The following HACE1 variants were observed in gnomAD, a reference collection of about 807,000 sequenced individuals.
HACE1 encodes the protein HECT domain and ankyrin repeat containing E3 ubiquitin protein ligase 1, also known as E3 ubiquitin-protein ligase HACE1.
In HACE1, 73 loss-of-function variants were observed where a neutral mutation model predicts 118.4. That is an observed-to-expected ratio of 0.62 (90% confidence interval 0.51 to 0.75). HACE1 has a LOEUF of 0.75. HACE1 is among the 30% of genes least tolerant of loss of function. The pLI is 0.00. For synonymous variants in HACE1, 368 were observed against 374.8 expected (o/e 0.98, Z 0.21); for missense variants, 749 against 1,102.2 (o/e 0.68, Z 4.54).
At chr6:104,789,847 G>A (rs1782827747) in intron 11 of HACE1, among the ~76,000 whole-genome samples, 2 of 152,010 alleles carry the variant, frequency 1.3e-5, no homozygotes, top group African/African-American at 2.4e-5. Flanking sequence ...AGTGAGCCAC[G>A]CCAGAACACA....
At position 104,791,536 on chromosome 6, in the gene HACE1, C is replaced by G. The variant is rs746716752; in HGVS notation, c.1042G>C (p.Gly348Arg). The part of the protein sequence containing the change: ...PSNGIDMGYN[G>R]NKTPRSQVFK... ...ACCTGGCTTCTTGGAGTTTTATTCCCATTGTAGCCCATATCAATTCCATTA... is the reference window on the plus strand; with the variant it reads ...ACCTGGCTTCTTGGAGTTTTATTCCGATTGTAGCCCATATCAATTCCATTA... The change falls in exon 11 of 24, where the codon GGG (glycine) becomes CGG (arginine). Residue 348 changes from glycine to arginine, a missense_variant. Gly to Arg is a moderately radical substitution (Grantham distance 125). Transcript: ENST00000262903. 1 of 1,613,248 alleles carries G rather than the reference C, an allele frequency of 6.2e-7. No individual in the cohort carries two copies.
At chr6:104,801,199 C>A (rs1266049730) in intron 7 of HACE1, among the ~76,000 whole-genome samples, 3 of 152,092 alleles carry the variant, frequency 2.0e-5, no homozygotes, top group Admixed American at 2.0e-4. Flanking sequence ...ACAAAGCCTC[C>A]AAGAAATATG....
At chr6:104,834,110 C>A (rs1470970020) in intron 5 of HACE1, among the ~76,000 whole-genome samples, 1 of 151,852 alleles carries the variant, frequency 6.6e-6, no homozygotes, top group Non-Finnish European at 1.5e-5. Flanking sequence ...TGACACTGCA[C>A]TCCTCCTACC....
At chr6:104,851,075 G>C in intron 2 of HACE1, 79 bp from the exon 3 acceptor site, 2 of 825,168 alleles carry the variant, frequency 2.4e-6, no homozygotes, top group Non-Finnish European at 4.3e-6. Context: ...CAACTCTTTA[G>C]CTGCTCTGTT....
chr6:104,790,128 G>T (rs1782868685), intron 11 of HACE1, among the ~76,000 whole-genome samples: 1 of 150,892 alleles, frequency 6.6e-6, no homozygotes, highest in South Asian at 2.1e-4. Flanking sequence ...ATACATATAT[G>T]GCTAAAAACT....
chr6:104,773,874 A>G (rs1393891680), intron 17 of HACE1, among the ~76,000 whole-genome samples: 2 of 151,810 alleles, frequency 1.3e-5, no homozygotes, highest in African/African-American at 4.8e-5. Context: ...GATAAATTTT[A>G]AGTTCAAAAA....
chr6:104,743,232 C>T (rs1358643347), intron 22 of HACE1, among the ~76,000 whole-genome samples: 1 of 150,952 alleles, frequency 6.6e-6, no homozygotes, highest in Non-Finnish European at 1.5e-5. Flanking sequence ...TTAGTGGGTG[C>T]AGCGCACCAG....
intron 22 of HACE1, chr6:104,730,818 T>G (rs1775122325): frequency 5.1e-6 from 1 of 194,594 alleles, no homozygotes; most frequent in African/African-American, 2.3e-5. Context: ...ATTAAATGTT[T>G]GTTGAATAGA....
intron 6 of HACE1, among the ~76,000 whole-genome samples, chr6:104,822,183 C>T (rs1308221334): frequency 1.4e-4 from 18 of 130,660 alleles, no homozygotes; most frequent in Non-Finnish European, 2.0e-4. Context: ...GAGATCAACA[C>T]GGTGAAACCC....
chr6:104,832,386 T>C lies in HACE1; in HGVS notation c.534+656A>G, dbSNP rs892666190. On this transcript the variant is annotated intron_variant, in intron 6 of 23. Coordinates refer to ENST00000262903, the MANE Select transcript of HACE1 (RefSeq NM_020771.4). ...AAAGCACTATTTTCCTGTTTTTTGTTGTTGTTGTTGTTGTTGTTGTTGTTT... is the reference window on the plus strand; with the variant it reads ...AAAGCACTATTTTCCTGTTTTTTGTCGTTGTTGTTGTTGTTGTTGTTGTTT... 2.5e-4 allele frequency among the ~76,000 whole-genome samples: 36 copies of C among 145,702 alleles called. 1 individual carries two copies. The South Asian group carries it at 8.0e-3, about 32-fold the overall frequency.
intron 19 of HACE1, among the ~76,000 whole-genome samples, chr6:104,759,172 T>C (rs2114629629): frequency 6.6e-6 from 1 of 152,316 alleles, no homozygotes; most frequent in Non-Finnish European, 1.5e-5. Context: ...TATCCAGGAC[T>C]TGAACTCAGC....
At chr6:104,820,025 T>C (rs1225078496) in intron 6 of HACE1, among the ~76,000 whole-genome samples, 1 of 151,582 alleles carries the variant, frequency 6.6e-6, no homozygotes, top group Non-Finnish European at 1.5e-5. Flanking sequence ...CAAAACCCCA[T>C]CTCTACTAAA....
chr6:104,857,460 A>C (rs553948212), intron 1 of HACE1, among the ~76,000 whole-genome samples: 9 of 151,732 alleles, frequency 5.9e-5, no homozygotes, highest in Admixed American at 5.9e-4. Context: ...TGAGAAACTG[A>C]TATGTTGAGC....
chr6:104,793,999 C>T (rs1264774743), intron 10 of HACE1, among the ~76,000 whole-genome samples: 1 of 152,100 alleles, frequency 6.6e-6, no homozygotes. Flanking sequence ...CTTTTTCCTA[C>T]CCTGTTTCTC....
intron 6 of HACE1, among the ~76,000 whole-genome samples, chr6:104,816,026 T>A (rs1772077280): frequency 6.7e-6 from 1 of 149,556 alleles, no homozygotes; most frequent in African/African-American, 2.5e-5. Flanking sequence ...TGAGCCGAGA[T>A]CACTGCATTG....
chr6:104,839,748 G>A (rs146832393), intron 5 of HACE1, among the ~76,000 whole-genome samples: 2 of 152,306 alleles, frequency 1.3e-5, no homozygotes, highest in East Asian at 1.9e-4. Flanking sequence ...GCTCACACCT[G>A]TAATCCCAGC....
intron 1 of HACE1, among the ~76,000 whole-genome samples, chr6:104,857,178 CAT>C (rs997270787): frequency 3.6e-4 from 52 of 146,162 alleles, no homozygotes; most frequent in African/African-American, 1.2e-3. Context: ...TATTTATTTA[CAT>C]ATATATTTAC....
Position 104,744,579 on chromosome 6 carries a change from T to G in HACE1, c.2375A>C (p.Asp792Ala). 6.2e-7 allele frequency: 1 copy of G among 1,603,622 alleles called. No individual in the cohort carries two copies. The highest frequency in any genetic ancestry group is 1.1e-5 in the South Asian group (1 of 90,840). Residue 792 changes from aspartate (D) to alanine (A), a missense_variant, in exon 21 of 24, where the codon GAT (aspartate) becomes GCT (alanine). Transcript: ENST00000262903. ...ELLLSGMPEI[D>A]VSDWIKNTEY... ...TGTATTTTTTATCCAATCACTCACA[T>G]CAATTTCTGGCATGCCAGAAAGCAG... is the stretch of plus-strand genomic sequence containing the variant.
chr6:104,791,576 A>C lies in HACE1; in HGVS notation c.1002T>G (p.Gly334=). Residue 334 remains glycine (G), a synonymous_variant, in exon 11 of 24, where the codon GGT becomes GGG. Coordinates refer to ENST00000262903, the MANE Select transcript of HACE1 (RefSeq NM_020771.4). The part of the protein sequence containing the change: ...VRMFCHVFRI[G]PSSPSNGIDM... ...CAATTCCATTACTGGGGGAGGATGG[A>C]CCAATTCGAAAGACGTGACAAAACA... is the stretch of plus-strand genomic sequence containing the variant. 1 of 1,611,590 alleles carries C rather than the reference A, an allele frequency of 6.2e-7. No homozygotes were observed. Among genetic ancestry groups the C allele is most frequent in the Non-Finnish European group, 8.5e-7 (1 of 1,177,748 alleles).
Sources: allele counts gnomAD v4.1 joint callset (sites outside exome capture counted in the v4.1 genomes callset), GRCh38; gene constraint gnomAD v4.1.1; transcripts MANE v1.5; gene names NCBI Gene and HGNC (gene_info 2026-07-23, HGNC 2026-07-21).